Variants in GRID2 observed in about 807,000 individuals in gnomAD.
The protein encoded by GRID2 is glutamate receptor ionotropic, delta-2.
GRID2 carries 33 observed loss-of-function variants against 114.8 expected under a neutral mutation model. The observed-to-expected ratio is 0.29, with a 90% CI of 0.22 to 0.38. The LOEUF is 0.38. Among genes scored for constraint, GRID2 ranks in the 10% least tolerant of loss-of-function variants. GRID2 has a pLI of 1.00. For synonymous variants in GRID2, 505 were observed against 449.9 expected (o/e 1.12, Z -1.55); for missense variants, 1,184 against 1,257.7 (o/e 0.94, Z 0.89).
At chr4:93,282,069 A>G (rs1406987929) in intron 8 of GRID2, among the ~76,000 whole-genome samples, 1 of 151,940 alleles carries the variant, frequency 6.6e-6, no homozygotes, top group African/African-American at 2.4e-5. Context: ...AATGAGTTGT[A>G]TTTATTTCTT....
chr4:93,325,642 T>G (rs1343920203), intron 8 of GRID2, among the ~76,000 whole-genome samples: 2 of 152,078 alleles, frequency 1.3e-5, no homozygotes, highest in Non-Finnish European at 2.9e-5. Flanking sequence ...CTTATTCAGT[T>G]TCAATTATTC....
At chr4:93,367,326 A>G (rs555176285) in intron 8 of GRID2, among the ~76,000 whole-genome samples, 1 of 151,840 alleles carries the variant, frequency 6.6e-6, no homozygotes, top group South Asian at 2.1e-4. Context: ...CAGTCATGCC[A>G]TCATCAAATT....
At chr4:92,428,090 G>A (rs1244320383) in intron 1 of GRID2, among the ~76,000 whole-genome samples, 3 of 151,816 alleles carry the variant, frequency 2.0e-5, no homozygotes, top group Non-Finnish European at 4.4e-5. Context: ...GTGAAATCCC[G>A]TCTCTACTAA....
intron 2 of GRID2, among the ~76,000 whole-genome samples, chr4:92,976,790 T>C (rs1753907037): frequency 6.6e-6 from 1 of 152,208 alleles, no homozygotes; most frequent in South Asian, 2.1e-4. Flanking sequence ...ATTTCATGGA[T>C]ATATTAGCCA....
At chr4:93,367,192 T>A (rs1038829098) in intron 8 of GRID2, among the ~76,000 whole-genome samples, 3 of 140,360 alleles carry the variant, frequency 2.1e-5, no homozygotes, top group African/African-American at 7.5e-5. Flanking sequence ...GGCTTTATTT[T>A]TTTTTTTTTA....
intron 14 of GRID2, among the ~76,000 whole-genome samples, chr4:93,632,440 A>G (rs1038364711): frequency 1.8e-4 from 27 of 152,196 alleles, no homozygotes; most frequent in African/African-American, 5.3e-4. Context: ...CATATGGCTA[A>G]CCAGTTTTCC....
chr4:92,847,591 C>T (rs1413455427), intron 2 of GRID2, among the ~76,000 whole-genome samples: 2 of 151,968 alleles, frequency 1.3e-5, no homozygotes, highest in Non-Finnish European at 2.9e-5. Flanking sequence ...ATGTCTTCTA[C>T]TTCAGATCTC....
At chr4:93,140,423 G>C (rs190475321) in intron 4 of GRID2, among the ~76,000 whole-genome samples, 1 of 152,170 alleles carries the variant, frequency 6.6e-6, no homozygotes, top group Admixed American at 6.5e-5. Context: ...CTCCCAAAGT[G>C]CTGGGATTAC....
At chr4:93,345,503 C>G (rs1298267480) in intron 8 of GRID2, among the ~76,000 whole-genome samples, 5 of 151,874 alleles carry the variant, frequency 3.3e-5, no homozygotes, top group African/African-American at 1.2e-4. Flanking sequence ...TATTTGTTTT[C>G]TTGCTATTGA....
intron 10 of GRID2, among the ~76,000 whole-genome samples, chr4:93,451,008 C>G (rs1722638127): frequency 6.6e-6 from 1 of 151,870 alleles, no homozygotes; most frequent in Non-Finnish European, 1.5e-5. Flanking sequence ...AAATACCTCT[C>G]TCTGTTGGGA....
intron 2 of GRID2, among the ~76,000 whole-genome samples, chr4:93,025,598 T>TAA (rs1298046805): frequency 6.6e-6 from 1 of 151,816 alleles, no homozygotes; most frequent in African/African-American, 2.4e-5. Flanking sequence ...TAGTCCAATT[T>TAA]GTAACATTTA....
chr4:92,994,488 AT>A (rs1014897457), intron 2 of GRID2, among the ~76,000 whole-genome samples: 1 of 151,470 alleles, frequency 6.6e-6, no homozygotes, highest in Non-Finnish European at 1.5e-5. Context: ...AAGTAGGGGA[AT>A]TTTTTTGTAT....
At chr4:92,813,206 A>G (rs1379377896) in intron 2 of GRID2, among the ~76,000 whole-genome samples, 2 of 152,158 alleles carry the variant, frequency 1.3e-5, no homozygotes, top group Non-Finnish European at 2.9e-5. Flanking sequence ...TTAGGCTGCT[A>G]TAGCAAATTA....
At chr4:93,121,133 T>C (rs890023871) in intron 4 of GRID2, among the ~76,000 whole-genome samples, 2 of 152,094 alleles carry the variant, frequency 1.3e-5, no homozygotes, top group Non-Finnish European at 2.9e-5. Context: ...CAAATTGCTG[T>C]GATAGTTATT....
At chr4:92,819,512 G>A (rs1215594702) in intron 2 of GRID2, among the ~76,000 whole-genome samples, 1 of 152,044 alleles carries the variant, frequency 6.6e-6, no homozygotes, top group Admixed American at 6.6e-5. Flanking sequence ...GTGATCTTGG[G>A]CTAGTTACTA....
At chr4:93,022,045 A>G (rs970802780) in intron 2 of GRID2, among the ~76,000 whole-genome samples, 2 of 151,478 alleles carry the variant, frequency 1.3e-5, no homozygotes, top group African/African-American at 4.8e-5. Context: ...TACAGAAAAT[A>G]TATTATTCAA....
At chr4:92,852,133 A>G (rs768571169) in intron 2 of GRID2, among the ~76,000 whole-genome samples, 4 of 151,926 alleles carry the variant, frequency 2.6e-5, no homozygotes, top group Admixed American at 6.6e-5. Flanking sequence ...CGGGTAAGAG[A>G]TGAACACTTG....
intron 9 of GRID2, among the ~76,000 whole-genome samples, chr4:93,415,102 A>T (rs991018624): frequency 1.3e-5 from 2 of 152,124 alleles, no homozygotes; most frequent in Non-Finnish European, 2.9e-5. Flanking sequence ...AATATGATTC[A>T]TCAACTCCAG....
At chr4:92,465,600 G>T (rs961135675) in intron 1 of GRID2, among the ~76,000 whole-genome samples, 6 of 151,954 alleles carry the variant, frequency 3.9e-5, no homozygotes, top group Non-Finnish European at 5.9e-5. Flanking sequence ...TGAAGAAGAG[G>T]TTACATTCCT....
Sources: gnomAD v4.1 joint callset for allele counts (sites outside exome capture counted in the v4.1 genomes callset) on GRCh38, gnomAD v4.1.1 for gene constraint, MANE v1.5 for transcripts, NCBI Gene and HGNC (gene_info 2026-07-23, HGNC 2026-07-21) for gene names.